The following SEC31A variants were observed in gnomAD, a reference collection of about 807,000 sequenced individuals.
SEC31A encodes the protein protein transport protein Sec31A.
Under a neutral mutation model 151.0 loss-of-function variants are expected in SEC31A, and 70 were observed. The observed-to-expected ratio is 0.46, with a 90% CI of 0.38 to 0.57. The LOEUF (loss-of-function observed/expected upper bound fraction) is 0.57, where lower values mean the gene tolerates loss of function less well. Ranked by LOEUF, SEC31A falls within the 20% of genes least tolerant of loss-of-function variation. The pLI, the probability that SEC31A is intolerant of heterozygous loss-of-function variation, is 0.00. For synonymous variants in SEC31A, 475 were observed against 505.9 expected, an observed-to-expected ratio of 0.94 and a Z score of 0.82; for missense variants, 1,330 against 1,471.2, an observed-to-expected ratio of 0.90 and a Z score of 1.57.
chr4:82,893,720 C>CAA (rs1230457039), upstream of SEC31A: 1 of 152,056 alleles, frequency 6.6e-6, no homozygotes, highest in African/African-American at 2.4e-5. Flanking sequence ...AAGGAGACTT[C>CAA]AAAAAGTTTG....
At chr4:82,879,586 G>A (rs1322384616) in intron 3 of SEC31A, among the ~76,000 whole-genome samples, 1 of 152,176 alleles carries the variant, frequency 6.6e-6, no homozygotes, top group Non-Finnish European at 1.5e-5. Flanking sequence ...TGATACAGAT[G>A]GTAGTAAGCA....
chr4:82,842,564 T>C, intron 21 of SEC31A, 83 bp from the exon 22 acceptor site: 1 of 989,320 alleles, frequency 1.0e-6, no homozygotes, highest in Non-Finnish European at 1.5e-6. Context: ...GTTATCTCAG[T>C]CTATAGAAAT....
chr4:82,835,638 C>T lies in SEC31A; in HGVS notation c.2968+6502G>A, dbSNP rs143052009. Among the ~76,000 whole-genome samples the T allele has an allele frequency of 2.7e-4, 41 of 152,026 alleles. 1 individual carries two copies. Among genetic ancestry groups the T allele is most frequent in the African/African-American group, 8.9e-4 (37 of 41,470 alleles). On this transcript the variant is annotated intron_variant, in intron 22 of 26. Coordinates refer to ENST00000395310, the MANE Select transcript of SEC31A (RefSeq NM_001077207.4). ...TGGTGAAACCCCGTCTCCACTAAAA[C>T]GCAAAAATTAGCTGGACGTGGTGGC...
chr4:82,900,279 G>C (rs979829291), intron 1 of SEC31A: 1 of 155,010 alleles, frequency 6.5e-6, no homozygotes, highest in African/African-American at 2.4e-5. Flanking sequence ...TATATTTTTG[G>C]CCCGACTCTG....
chr4:82,895,945 A>C (rs963037314), upstream of SEC31A, among the ~76,000 whole-genome samples: 3 of 152,236 alleles, frequency 2.0e-5, no homozygotes, highest in Non-Finnish European at 2.9e-5. Context: ...CTTGAACTTC[A>C]GCTCTAGTTG....
chr4:82,855,286 T>C (rs1379613347), intron 16 of SEC31A, among the ~76,000 whole-genome samples: 1 of 152,140 alleles, frequency 6.6e-6, no homozygotes. Context: ...AATAGAAAGG[T>C]GTGACCTGGT....
At chr4:82,898,982 C>T (rs970584517) in intron 3 of SEC31A, among the ~76,000 whole-genome samples, 2 of 151,842 alleles carry the variant, frequency 1.3e-5, no homozygotes, top group East Asian at 1.9e-4. Flanking sequence ...AACTGTTGAA[C>T]GGATAAACAA....
At chr4:82,897,905 T>C (rs1375490631) in intron 3 of SEC31A, 1 of 152,212 alleles carries the variant, frequency 6.6e-6, no homozygotes, top group Non-Finnish European at 1.5e-5. Flanking sequence ...AATAAATGTT[T>C]TTTACTTGGA....
At chr4:82,873,633 G>A (rs1195396502) in intron 6 of SEC31A, among the ~76,000 whole-genome samples, 2 of 152,080 alleles carry the variant, frequency 1.3e-5, no homozygotes, top group Non-Finnish European at 2.9e-5. Flanking sequence ...ATACTCTGAA[G>A]AAGTGTTCTC....
intron 1 of SEC31A, among the ~76,000 whole-genome samples, chr4:82,890,506 C>T (rs949095788): frequency 1.3e-5 from 2 of 152,180 alleles, no homozygotes; most frequent in Non-Finnish European, 2.9e-5. Context: ...GTTTATTTTA[C>T]AACAGCCCCG....
chr4:82,819,050 T>C lies in SEC31A; in HGVS notation c.*24A>G. On this transcript the variant is annotated 3_prime_UTR_variant, in exon 27 of 27. Transcript: ENST00000395310. ...ATGTTTCTTTGGAAAAATGGCAATA[T>C]TGAGTGGAAGAGAAGCTGTCCTTTT... 1 of 1,565,886 alleles carries C rather than the reference T, an allele frequency of 6.4e-7. No individual in the cohort carries two copies. The highest frequency in any genetic ancestry group is 8.6e-7 in the Non-Finnish European group (1 of 1,159,064).
intron 12 of SEC31A, 22 bp from the exon 13 acceptor site, chr4:82,862,594 A>C (rs181219879): frequency 5.4e-5 from 86 of 1,607,200 alleles, no homozygotes; most frequent in Non-Finnish European, 7.2e-5. Flanking sequence ...ATAACAGCTC[A>C]CCTACTACAT....
chr4:82,820,018 T>C (rs1027732874), intron 26 of SEC31A, among the ~76,000 whole-genome samples: 10 of 152,122 alleles, frequency 6.6e-5, no homozygotes, highest in African/African-American at 2.2e-4. Context: ...CGCCTCAGCC[T>C]CCCAAAGTGC....
At chr4:82,889,997 T>G (rs1423321198) in intron 1 of SEC31A, among the ~76,000 whole-genome samples, 1 of 151,788 alleles carries the variant, frequency 6.6e-6, no homozygotes, top group Non-Finnish European at 1.5e-5. Flanking sequence ...GGAGGCCAAC[T>G]CGGGCGGATC....
At chr4:82,829,943 T>C (rs1725542935) in intron 22 of SEC31A, among the ~76,000 whole-genome samples, 1 of 152,250 alleles carries the variant, frequency 6.6e-6, no homozygotes, top group East Asian at 1.9e-4. Context: ...AGTTTTGATA[T>C]TCTCTATAAG....
chr4:82,866,834 G>T lies in SEC31A; in HGVS notation c.1171C>A (p.Arg391=). Residue 391 remains arginine, a synonymous_variant, in exon 10 of 27, where the codon CGA becomes AGA. Coordinates refer to ENST00000395310, the MANE Select transcript of SEC31A (RefSeq NM_001077207.4). ...LPLKKPPKWI[R]RPVGASFSFG... is the part of the protein sequence containing the mutation. ...GAAAAAGAAGCACCAACAGGCCTTC[G>T]AATCCACTTGGGCGGCTTCTTCAGA... 3.7e-6 allele frequency: 6 copies of T among 1,605,038 alleles called. No homozygotes were observed. Among genetic ancestry groups the T allele is most frequent in the Non-Finnish European group, 5.1e-6 (6 of 1,177,832 alleles).
intron 6 of SEC31A, 100 bp from the exon 7 acceptor site, chr4:82,872,186 C>A (rs1736837813): frequency 3.4e-6 from 3 of 889,810 alleles, no homozygotes; most frequent in Non-Finnish European, 5.2e-6. Context: ...TAGTGAAAAA[C>A]ATCAGCTGTG....
intron 22 of SEC31A, among the ~76,000 whole-genome samples, chr4:82,833,734 T>C (rs28611098): frequency 0.45 from 68,444 of 151,526 alleles, 17,967 homozygotes; most frequent in Admixed American, 0.59. Context: ...GTCAGACATA[T>C]AACTCATGTG....
intron 1 of SEC31A, chr4:82,890,656 A>T: frequency 1.3e-6 from 1 of 776,608 alleles, no homozygotes; most frequent in Non-Finnish European, 1.6e-6. Flanking sequence ...ATGAACCTTT[A>T]AATCTGGCAA....
Sources: allele counts gnomAD v4.1 joint callset (sites outside exome capture counted in the v4.1 genomes callset), GRCh38; gene constraint gnomAD v4.1.1; transcripts MANE v1.5; gene names NCBI Gene and HGNC (gene_info 2026-07-23, HGNC 2026-07-21).